Variants in ALMS1 observed in about 807,000 individuals in gnomAD.
ALMS1 encodes the protein centrosome-associated protein ALMS1.
Under a neutral mutation model 352.2 loss-of-function variants are expected in ALMS1, and 271 were observed. The observed-to-expected ratio is 0.77, with a 90% CI of 0.70 to 0.85. ALMS1 has a LOEUF of 0.85. ALMS1 is among the 40% of genes least tolerant of loss of function. ALMS1 has a pLI of 0.00. For missense variants in ALMS1, 5,445 were observed against 4,870.7 expected, an observed-to-expected ratio of 1.12 and a Z score of -3.51; for synonymous variants, 1,865 against 1,761.2, an observed-to-expected ratio of 1.06 and a Z score of -1.48.
intron 1 of ALMS1, among the ~76,000 whole-genome samples, chr2:73,395,076 A>ATTTT (rs1343952124): frequency 3.7e-5 from 4 of 108,264 alleles, no homozygotes; most frequent in South Asian, 2.6e-4. Flanking sequence ...ATATATATAT[A>ATTTT]TATTTTTTTT....
intron 12 of ALMS1, among the ~76,000 whole-genome samples, chr2:73,535,487 T>C (rs1674009262): frequency 6.6e-6 from 1 of 152,210 alleles, no homozygotes; most frequent in Non-Finnish European, 1.5e-5. Flanking sequence ...GATTGGACCC[T>C]CTTATTTTCT....
In ALMS1 at chr2:73,539,995, C is replaced by A. The variant is rs1369904712; in HGVS notation, c.9907+5046C>A. Among the ~76,000 whole-genome samples the A allele has an allele frequency of 2.0e-5, 3 of 152,184 alleles. 1 individual carries two copies. The highest frequency in any genetic ancestry group is 4.4e-5 in the Non-Finnish European group (3 of 68,028). ...TCCCCAATCTAGCAAGGCAGGCCAA[C>A]ATTCACATTCAGGAAATACAGAGAA... On this transcript the variant is annotated intron_variant, in intron 12 of 22. Coordinates refer to ENST00000613296, the MANE Select transcript of ALMS1 (RefSeq NM_001378454.1).
chr2:73,588,115 T>C (rs1675348334), intron 16 of ALMS1, among the ~76,000 whole-genome samples: 1 of 152,216 alleles, frequency 6.6e-6, no homozygotes, highest in South Asian at 2.1e-4. Flanking sequence ...GTACAAATCC[T>C]ACTGAAACAA....
At position 73,397,524 on chromosome 2, in the gene ALMS1, A is replaced by G. The variant is rs117077995; in HGVS notation, c.325-11098A>G. 7.6e-4 allele frequency among the ~76,000 whole-genome samples: 116 copies of G among 152,094 alleles called. No individual in the cohort carries two copies. In the East Asian group the frequency reaches 0.018, roughly 23 times the overall value. ...CTCTTGTTGCCTAGGCTGGAATGCA[A>G]TGGCATTATCTTGGCTCACTGCAAC... On this transcript the variant is annotated intron_variant, in intron 1 of 22. Coordinates refer to ENST00000613296, the MANE Select transcript of ALMS1 (RefSeq NM_001378454.1).
At chr2:73,600,106 A>G (rs1055133279) in intron 17 of ALMS1, among the ~76,000 whole-genome samples, 4 of 152,236 alleles carry the variant, frequency 2.6e-5, no homozygotes, top group Admixed American at 6.5e-5. Flanking sequence ...ATACTACAAT[A>G]TGAATTTTTT....
intron 9 of ALMS1, 57 bp from the exon 10 acceptor site, chr2:73,489,577 T>A: frequency 6.3e-7 from 1 of 1,595,958 alleles, no homozygotes; most frequent in South Asian, 1.1e-5. Context: ...TAAAACTGAT[T>A]TGTTTATAAC....
In ALMS1 at chr2:73,607,747, G is replaced by A. The variant is rs1045208353; in HGVS notation, c.12363-728G>A. On this transcript the variant is annotated intron_variant, in intron 21 of 22. Coordinates refer to ENST00000613296, the MANE Select transcript of ALMS1 (RefSeq NM_001378454.1). ...CAACCTCTGCCACCCAGGTTCAAGCGATTCTCCTGCCTCAGCCTCCTGAGT... is the reference window on the plus strand; with the variant it reads ...CAACCTCTGCCACCCAGGTTCAAGCAATTCTCCTGCCTCAGCCTCCTGAGT... Among the ~76,000 whole-genome samples the A allele has an allele frequency of 2.6e-5, 4 of 151,278 alleles. No homozygotes were observed. The East Asian group carries it at 5.8e-4, about 22-fold the overall frequency.
intron 16 of ALMS1, among the ~76,000 whole-genome samples, chr2:73,594,961 A>G (rs997881007): frequency 5.9e-5 from 9 of 152,138 alleles, no homozygotes; most frequent in African/African-American, 2.2e-4. Flanking sequence ...GTATTGACCA[A>G]CACAACTTAC....
At chr2:73,475,489 T>C (rs1672564179) in intron 9 of ALMS1, among the ~76,000 whole-genome samples, 1 of 152,168 alleles carries the variant, frequency 6.6e-6, no homozygotes, top group African/African-American at 2.4e-5. Context: ...TTGAACATCT[T>C]TTCATGTGCT....
chr2:73,453,693 G>A lies in ALMS1; in HGVS notation c.7166G>A (p.Arg2389Lys), dbSNP rs1671998932. 6.2e-7 allele frequency: 1 copy of A among 1,613,986 alleles called. No homozygotes were observed. Among genetic ancestry groups the A allele is most frequent in the South Asian group, 1.1e-5 (1 of 91,084 alleles). The change falls in exon 8 of 23, where the codon AGG becomes AAG. Residue 2389 changes from arginine to lysine, a missense_variant. Arg to Lys is a conservative substitution (Grantham distance 26). Coordinates refer to ENST00000613296, the MANE Select transcript of ALMS1 (RefSeq NM_001378454.1). ...RQYQAAKSVMRSEPEGCSGTI... is the reference protein window; with the variant it reads ...RQYQAAKSVMKSEPEGCSGTI... ...TATCAAGCAGCCAAATCTGTAATGA[G>A]GTCTGAACCTGAAGGGTGTAGTGGA...
At chr2:73,439,600 G>T (rs1187149684) in intron 7 of ALMS1, among the ~76,000 whole-genome samples, 1 of 152,126 alleles carries the variant, frequency 6.6e-6, no homozygotes, top group East Asian at 1.9e-4. Flanking sequence ...GAGTACGGTG[G>T]TGTGATCTCG....
intron 9 of ALMS1, among the ~76,000 whole-genome samples, chr2:73,486,289 G>C (rs779825634): frequency 2.6e-5 from 4 of 152,106 alleles, no homozygotes; most frequent in Non-Finnish European, 4.4e-5. Flanking sequence ...TTGCTGGATA[G>C]TCTAGGTAGG....
chr2:73,487,530 C>T (rs1255109534), intron 9 of ALMS1, among the ~76,000 whole-genome samples: 5 of 152,148 alleles, frequency 3.3e-5, no homozygotes, highest in Admixed American at 2.0e-4. Context: ...CAGGGACCCC[C>T]TAGGTCTGGG....
chr2:73,529,337 C>T (rs1673860371), intron 11 of ALMS1, among the ~76,000 whole-genome samples: 1 of 152,166 alleles, frequency 6.6e-6, no homozygotes. Flanking sequence ...AGCCACTGCA[C>T]CCAGCCAAAA....
chr2:73,469,254 A>G (rs1340181620), intron 9 of ALMS1, among the ~76,000 whole-genome samples: 1 of 152,098 alleles, frequency 6.6e-6, no homozygotes, highest in Middle Eastern at 3.4e-3. Flanking sequence ...CTACGAAAGT[A>G]GTAAGGAGGA....
At position 73,451,716 on chromosome 2, in the gene ALMS1, A is replaced by G. The variant is rs201390755; in HGVS notation, c.5189A>G (p.Glu1730Gly). 7.8e-4 allele frequency: 1,265 copies of G among 1,613,844 alleles called. 2 individuals carry two copies. The highest frequency in any genetic ancestry group is 1.1e-3 in the South Asian group (99 of 91,064). ...TACCAACAGGCCCTGCCAGACAGTG[A>G]GCTAACTCAAGAAGCTCTGAAAGTT... is the stretch of plus-strand genomic sequence containing the variant. Reference protein sequence around the residue: ...VFYQQALPDSELTQEALKVSA... With the variant: ...VFYQQALPDSGLTQEALKVSA... The change falls in exon 8 of 23, where the codon GAG (glutamate) becomes GGG (glycine). Residue 1730 changes from glutamate to glycine, a missense_variant. Transcript: ENST00000613296.
chr2:73,599,388 T>C lies in ALMS1; in HGVS notation c.11548-13T>C, dbSNP rs1277857590. Reference sequence around the variant, plus strand: ...TGCAGGTAATAATAACAAGATCTCTTTTATTTTTCTAGGTAGCAAACCATG... The same window carrying C: ...TGCAGGTAATAATAACAAGATCTCTCTTATTTTTCTAGGTAGCAAACCATG... On this transcript the variant is annotated splice_polypyrimidine_tract_variant and intron_variant, in intron 16 of 22. Coordinates refer to ENST00000613296, the MANE Select transcript of ALMS1 (RefSeq NM_001378454.1). 1.2e-6 allele frequency: 2 copies of C among 1,611,986 alleles called. No individual in the cohort carries two copies. The highest frequency in any genetic ancestry group is 8.5e-7 in the Non-Finnish European group (1 of 1,179,622).
rs199649563 is a variant in ALMS1, at chr2:73,450,731, A to G, written c.4204A>G (p.Thr1402Ala). The G allele has an allele frequency of 1.0e-4, 169 of 1,612,388 alleles. 2 individuals are homozygous for G. In the Middle Eastern group the frequency reaches 2.5e-3, roughly 24 times the overall value. ...ACAGTCGTTGCCAGGTAGTCATCTA[A>G]CTGAAGAGGCTAAGAACGTTTCAGC... ...YQQSLPGSHL[T>A]EEAKNVSAVP... is the part of the protein sequence containing the mutation. The change falls in exon 8 of 23, where the codon ACT becomes GCT. Residue 1402 changes from threonine (T) to alanine (A), a missense_variant. Transcript: ENST00000613296.
At position 73,480,903 on chromosome 2, in the gene ALMS1, G is replaced by A. The variant is rs536197455; in HGVS notation, c.7675-8731G>A. Among the ~76,000 whole-genome samples, 11 of 147,734 alleles carry A rather than the reference G, an allele frequency of 7.4e-5. 1 individual carries two copies. The East Asian group carries it at 1.4e-3, about 18-fold the overall frequency. On this transcript the variant is annotated intron_variant, in intron 9 of 22. Coordinates refer to ENST00000613296, the MANE Select transcript of ALMS1 (RefSeq NM_001378454.1). ...TGAGAAGTGTCTGTTCATGTCCTTCGCCCACTTTTTGATGGGGTTGTTTGT... is the reference window on the plus strand; with the variant it reads ...TGAGAAGTGTCTGTTCATGTCCTTCACCCACTTTTTGATGGGGTTGTTTGT...
Sources: gnomAD v4.1 joint callset for allele counts (sites outside exome capture counted in the v4.1 genomes callset) on GRCh38, gnomAD v4.1.1 for gene constraint, MANE v1.5 for transcripts, NCBI Gene and HGNC (gene_info 2026-07-23, HGNC 2026-07-21) for gene names.